SAFB2: variants seen among roughly 807,000 people sequenced by gnomAD.
The protein encoded by SAFB2 is scaffold attachment factor B2.
In SAFB2, 32 loss-of-function variants were observed where a neutral mutation model predicts 100.6. That is an observed-to-expected ratio of 0.32 (90% confidence interval 0.24 to 0.43). SAFB2 has a LOEUF of 0.43. SAFB2 is among the 20% of genes least tolerant of loss of function. The pLI is 1.00. For missense variants in SAFB2, 1,185 were observed against 1,163.4 expected, an observed-to-expected ratio of 1.02 and a Z score of -0.27; for synonymous variants, 500 against 439.4, an observed-to-expected ratio of 1.14 and a Z score of -1.72.
At chr19:5,598,100 A>C (rs1005505555) in intron 13 of SAFB2, among the ~76,000 whole-genome samples, 1 of 148,818 alleles carries the variant, frequency 6.7e-6, no homozygotes, top group African/African-American at 2.5e-5. Flanking sequence ...ACGCCACTGC[A>C]CTCCAGCCTG....
At chr19:5,609,256 A>T (rs1311824246) in intron 9 of SAFB2, among the ~76,000 whole-genome samples, 2 of 150,274 alleles carry the variant, frequency 1.3e-5, no homozygotes, top group Non-Finnish European at 3.0e-5. Context: ...GAGACTATAT[A>T]CTTAAAATGC....
At chr19:5,615,345 ACT>A in intron 4 of SAFB2, among the ~76,000 whole-genome samples, 1 of 152,052 alleles carries the variant, frequency 6.6e-6, no homozygotes, top group South Asian at 2.1e-4. Context: ...ACTGAGAGAG[ACT>A]CTGTCTCAAA....
chr19:5,611,017 G>C (rs1306631616), intron 7 of SAFB2, 103 bp downstream of exon 7: 2 of 453,462 alleles, frequency 4.4e-6, no homozygotes, highest in Non-Finnish European at 7.8e-6. Flanking sequence ...CTACAATTTC[G>C]TCAGTCTGGC....
At chr19:5,618,699 C>T (rs781379951) in intron 2 of SAFB2, among the ~76,000 whole-genome samples, 3 of 152,186 alleles carry the variant, frequency 2.0e-5, no homozygotes, top group African/African-American at 7.2e-5. Context: ...AAATAGTAGC[C>T]TGCAGTGCCC....
chr19:5,598,524 G>A lies in SAFB2; in HGVS notation c.1782+269C>T, dbSNP rs2052581659. On this transcript the variant is annotated intron_variant, in intron 13 of 20. Transcript: ENST00000252542. ...CTGGGTCTGGCCCATCCCACCCTAT[G>A]GTGAGCTGCCGTGTGAACCAATGCT... The A allele has an allele frequency of 2.5e-5, 12 of 484,516 alleles. No individual in the cohort carries two copies. The South Asian group carries it at 2.5e-4, about 10-fold the overall frequency. The allele number at this position is 484,516 out of a possible 1,614,324, so 30.0% of individuals were successfully genotyped here.
At chr19:5,590,186 G>T in intron 18 of SAFB2, 92 bp downstream of exon 18, 1 of 1,217,660 alleles carries the variant, frequency 8.2e-7, no homozygotes, top group Non-Finnish European at 1.1e-6. Flanking sequence ...TCCCCTAGCT[G>T]AATCAAACCT....
intron 4 of SAFB2, 186 bp from the exon 5 acceptor site, chr19:5,613,713 C>A: frequency 2.0e-6 from 2 of 985,464 alleles, no homozygotes; most frequent in African/African-American, 1.7e-5. Flanking sequence ...CGACTCTGCT[C>A]CACCAGCGTC....
At chr19:5,597,056 C>T (rs1017274116) in intron 13 of SAFB2, among the ~76,000 whole-genome samples, 2 of 152,104 alleles carry the variant, frequency 1.3e-5, no homozygotes, top group Non-Finnish European at 2.9e-5. Context: ...GCCTACGAGA[C>T]GGGCAGATGT....
At chr19:5,602,992 A>G (rs1224030081) in intron 11 of SAFB2, among the ~76,000 whole-genome samples, 3 of 144,354 alleles carry the variant, frequency 2.1e-5, no homozygotes, top group Non-Finnish European at 3.0e-5. Flanking sequence ...ATCTGGGGCC[A>G]GGTGCAGTGG....
In SAFB2 at chr19:5,610,209, G is replaced by A. The variant is rs1042831925; in HGVS notation, c.1196-114C>T. ...CTAACGACGCCCAATCCCAACTGCT[G>A]ACTTAAGAATTTAACGCACACACAC... On this transcript the variant is annotated intron_variant, in intron 8 of 20. Transcript: ENST00000252542. 5.0e-6 allele frequency: 4 copies of A among 798,166 alleles called. No homozygotes were observed. In the African/African-American group the frequency reaches 6.8e-5, roughly 14 times the overall value. The allele number at this position is 798,166 out of a possible 1,614,324, so 49.4% of individuals were successfully genotyped here. A position where few individuals can be genotyped will look rare whatever the true frequency, so the allele number is the denominator to read the frequency against.
At chr19:5,599,053 C>T (rs1045814827) in intron 12 of SAFB2, among the ~76,000 whole-genome samples, 169 bp from the exon 13 acceptor site, 1 of 152,186 alleles carries the variant, frequency 6.6e-6, no homozygotes, top group Non-Finnish European at 1.5e-5. Flanking sequence ...AACACGGTAA[C>T]ACGGGCACAG....
At chr19:5,604,159 C>G (rs1004774886) in intron 11 of SAFB2, among the ~76,000 whole-genome samples, 1 of 152,302 alleles carries the variant, frequency 6.6e-6, no homozygotes, top group East Asian at 1.9e-4. Context: ...ACCTGTAATC[C>G]TAGCACTTTG....
At chr19:5,593,002 A>T (rs955437485) in intron 15 of SAFB2, 115 bp from the exon 16 acceptor site, 87 of 935,942 alleles carry the variant, frequency 9.3e-5, no homozygotes, top group Non-Finnish European at 1.3e-4. Flanking sequence ...TATCGTTTAA[A>T]ATGTCCTGCA....
chr19:5,602,383 G>A (rs2052677907), intron 11 of SAFB2, among the ~76,000 whole-genome samples: 1 of 150,970 alleles, frequency 6.6e-6, no homozygotes. Flanking sequence ...GGGAGGCTGA[G>A]GCAGGAGAAT....
In SAFB2 at chr19:5,587,683, AC is replaced by A. The variant is rs1490297717; in HGVS notation, c.2705+17del. 213 of 1,542,914 alleles carry A rather than the reference AC, an allele frequency of 1.4e-4. No individual in the cohort carries two copies. Among genetic ancestry groups the A allele is most frequent in the Non-Finnish European group, 1.4e-4 (155 of 1,142,676 alleles). ...GAGCAGGAGTGAACCACCGTCCTCC[AC>A]GGACGACACACCTTACCCCGCCACT... On this transcript the variant is annotated intron_variant, in intron 20 of 20. Transcript: ENST00000252542. The surrounding 1 kb of genome is among the most constrained non-coding windows in gnomAD (Gnocchi z 4.9).
rs761756340 is a variant in SAFB2 at position 5,593,944 on chromosome 19, C to T, written c.2154G>A (p.Gln718=). 1 of 1,555,002 alleles carries T rather than the reference C, an allele frequency of 6.4e-7. No individual in the cohort carries two copies. The highest frequency in any genetic ancestry group is 1.8e-4 in the Middle Eastern group (1 of 5,474). ...EREELRRQQE[Q]LRYEQERRPG... ...GCCGCCGCTCCTGCTCGTAACGCAG[C>T]TGCTCCTGCTGGCGCCGCAGCTCCT... The change falls in exon 15 of 21, where the codon CAG becomes CAA. Residue 718 remains glutamine, a synonymous_variant. Transcript: ENST00000252542.
intron 2 of SAFB2, among the ~76,000 whole-genome samples, chr19:5,617,284 C>CA (rs1303792169): frequency 2.0e-5 from 3 of 151,348 alleles, no homozygotes; most frequent in African/African-American, 7.3e-5. Flanking sequence ...TTTTTTCCCC[C>CA]AAGGCAAAAA....
intron 12 of SAFB2, 21 bp downstream of exon 12, chr19:5,600,109 C>T: frequency 6.2e-7 from 1 of 1,604,114 alleles, no homozygotes; most frequent in South Asian, 1.1e-5. Flanking sequence ...CCTTCCACAG[C>T]TCTTAAAAGG....
intron 18 of SAFB2, 130 bp from the exon 19 acceptor site, chr19:5,588,110 G>T: frequency 1.3e-6 from 1 of 768,118 alleles, no homozygotes; most frequent in Non-Finnish European, 2.0e-6. Flanking sequence ...TGTCAAGTGG[G>T]CAAATCAAGG....
Sources: allele counts gnomAD v4.1 joint callset (sites outside exome capture counted in the v4.1 genomes callset), GRCh38; gene constraint gnomAD v4.1.1; non-coding constraint Gnocchi (gnomAD v3.1); transcripts MANE v1.5; gene names NCBI Gene and HGNC (gene_info 2026-07-23, HGNC 2026-07-21).